ESYT2: variants seen among roughly 807,000 people sequenced by gnomAD.
ESYT2 encodes extended synaptotagmin-2.
In ESYT2, 54 loss-of-function variants were observed where a neutral mutation model predicts 107.2. The observed-to-expected ratio is 0.50, with a 90% CI of 0.40 to 0.63. ESYT2 has a LOEUF of 0.63. Ranked by LOEUF, ESYT2 falls within the 30% of genes least tolerant of loss-of-function variation. ESYT2 has a pLI of 0.00. For synonymous variants in ESYT2, 491 were observed against 434.1 expected (o/e 1.13, Z -1.63); for missense variants, 1,020 against 1,094.5 (o/e 0.93, Z 0.96).
At position 158,829,472 on chromosome 7, in the gene ESYT2, T is replaced by TGATCCCGGGCGGCTCAGCCCCGCGCC. The variant is rs1840568808; in HGVS notation, c.-80_-55dup. 1.7e-6 allele frequency: 2 copies of TGATCCCGGGCGGCTCAGCCCCGCGCC among 1,210,364 alleles called. No individual in the cohort carries two copies. The highest frequency in any genetic ancestry group is 3.2e-5 in the African/African-American group (2 of 63,010). 75.0% of individuals were successfully genotyped at this position (1,210,364 alleles called of 1,614,324 possible). ...GCCGAGGCGGGCTGGGTGCTCGCGC[T>TGATCCCGGGCGGCTCAGCCCCGCGCC]GATCCCGGGCGGCTCAGCCCCGCGC... On this transcript the variant is annotated 5_prime_UTR_variant, in exon 1 of 23. Transcript: ENST00000275418.
chr7:158,758,762 C>A (rs1409565474), intron 13 of ESYT2, among the ~76,000 whole-genome samples: 4 of 152,182 alleles, frequency 2.6e-5, no homozygotes, highest in Non-Finnish European at 4.4e-5. Flanking sequence ...ACACCACTAT[C>A]CTCACTAGCA....
intron 17 of ESYT2, among the ~76,000 whole-genome samples, chr7:158,743,294 G>A (rs111380790): frequency 0.039 from 5,861 of 152,164 alleles, 384 homozygotes; most frequent in African/African-American, 0.13. Context: ...GGGCCTGCTC[G>A]GGCAACCTGG....
intron 3 of ESYT2, among the ~76,000 whole-genome samples, chr7:158,795,591 C>T (rs1839433562): frequency 8.5e-6 from 1 of 117,928 alleles, no homozygotes; most frequent in Admixed American, 7.4e-5. Context: ...CGGCCACGTA[C>T]AGACAGAGCA....
At chr7:158,768,081 C>T (rs1352408422) in intron 7 of ESYT2, among the ~76,000 whole-genome samples, 1 of 152,218 alleles carries the variant, frequency 6.6e-6, no homozygotes, top group Non-Finnish European at 1.5e-5. Context: ...CAACCTAATA[C>T]ACTTCATAAT....
intron 1 of ESYT2, among the ~76,000 whole-genome samples, chr7:158,821,085 C>A (rs1007841515): frequency 2.6e-5 from 4 of 152,098 alleles, no homozygotes; most frequent in African/African-American, 9.7e-5. Flanking sequence ...CTTTAACAAA[C>A]ATTATAGAAC....
In ESYT2 at chr7:158,787,907, T is replaced by C. The variant is rs1056049086; in HGVS notation, c.747+97A>G. On this transcript the variant is annotated intron_variant, in intron 6 of 22. Coordinates refer to ENST00000275418, the MANE Select transcript of ESYT2 (RefSeq NM_001367773.1). ...CACAACAGAAAGGGACAACGGTGAG[T>C]TGATAAAATTTTGTTTCTCCACTTT... 26 of 923,456 alleles carry C rather than the reference T, an allele frequency of 2.8e-5. No individual in the cohort carries two copies. In the African/African-American group the frequency reaches 3.6e-4, roughly 13 times the overall value. The allele number at this position is 923,456 out of a possible 1,614,324, so 57.2% of individuals were successfully genotyped here.
At chr7:158,809,584 G>A (rs1839937972) in intron 1 of ESYT2, among the ~76,000 whole-genome samples, 1 of 151,610 alleles carries the variant, frequency 6.6e-6, no homozygotes, top group Non-Finnish European at 1.5e-5. Context: ...ATGAAAAGAT[G>A]CTCAACATTA....
intron 16 of ESYT2, among the ~76,000 whole-genome samples, chr7:158,747,045 C>CT (rs1837426279): frequency 6.6e-6 from 1 of 151,012 alleles, no homozygotes; most frequent in African/African-American, 2.4e-5. Flanking sequence ...GAGTGAAACT[C>CT]TGTTCTCAAA....
intron 1 of ESYT2, among the ~76,000 whole-genome samples, chr7:158,814,897 T>TA (rs1273683219): frequency 6.6e-6 from 1 of 152,044 alleles, no homozygotes; most frequent in East Asian, 1.9e-4. Flanking sequence ...ATGACTAGAT[T>TA]AGATGGTGCC....
chr7:158,770,834 T>G (rs1838341045), intron 7 of ESYT2, among the ~76,000 whole-genome samples: 1 of 152,050 alleles, frequency 6.6e-6, no homozygotes, highest in Non-Finnish European at 1.5e-5. Context: ...TATTTTTGTA[T>G]TACATATATA....
chr7:158,755,888 C>T (rs543877404), intron 13 of ESYT2, among the ~76,000 whole-genome samples: 1 of 151,920 alleles, frequency 6.6e-6, no homozygotes, highest in Non-Finnish European at 1.5e-5. Context: ...GAGAGGGGAG[C>T]GATAGCATTA....
intron 13 of ESYT2, among the ~76,000 whole-genome samples, chr7:158,756,726 T>C (rs892499641): frequency 2.0e-5 from 3 of 152,086 alleles, no homozygotes; most frequent in African/African-American, 7.2e-5. Context: ...CTGGTCAGCA[T>C]GGTGAAACCC....
intron 13 of ESYT2, among the ~76,000 whole-genome samples, chr7:158,754,149 G>A (rs1199833607): frequency 2.0e-5 from 3 of 152,076 alleles, no homozygotes; most frequent in Admixed American, 6.5e-5. Flanking sequence ...GCAGCCTCGG[G>A]CTACTCACCA....
chr7:158,782,005 G>A (rs1838856150), intron 6 of ESYT2, among the ~76,000 whole-genome samples: 1 of 149,530 alleles, frequency 6.7e-6, no homozygotes, highest in African/African-American at 2.5e-5. Flanking sequence ...ACGAGAACAA[G>A]TGTGTGAACA....
intron 13 of ESYT2, among the ~76,000 whole-genome samples, chr7:158,756,978 CA>C (rs1837780359): frequency 7.6e-6 from 1 of 130,924 alleles, no homozygotes; most frequent in South Asian, 2.5e-4. Context: ...TGAAACTTTA[CA>C]AAAAAATTTA....
At chr7:158,785,485 G>A (rs1839080441) in intron 6 of ESYT2, among the ~76,000 whole-genome samples, 1 of 151,892 alleles carries the variant, frequency 6.6e-6, no homozygotes, top group South Asian at 2.1e-4. Context: ...CACCTCCAGT[G>A]TCAGGACTAA....
chr7:158,800,019 T>A (rs1584866875), intron 1 of ESYT2, among the ~76,000 whole-genome samples: 1 of 151,932 alleles, frequency 6.6e-6, no homozygotes, highest in Admixed American at 6.6e-5. Context: ...CATTTGCATA[T>A]GCGTATGATA....
intron 6 of ESYT2, among the ~76,000 whole-genome samples, chr7:158,783,079 T>TG (rs1210181597): frequency 2.6e-5 from 4 of 152,188 alleles, no homozygotes; most frequent in Non-Finnish European, 5.9e-5. Flanking sequence ...TCTGGAGGAC[T>TG]GAGCTATTTC....
chr7:158,783,975 T>C (rs1279522357), intron 6 of ESYT2, among the ~76,000 whole-genome samples: 1 of 152,094 alleles, frequency 6.6e-6, no homozygotes, highest in African/African-American at 2.4e-5. Context: ...GGTAGGACAA[T>C]GTCCCAGGCT....
Sources: gnomAD v4.1 joint callset for allele counts (sites outside exome capture counted in the v4.1 genomes callset) on GRCh38, gnomAD v4.1.1 for gene constraint, MANE v1.5 for transcripts, NCBI Gene and HGNC (gene_info 2026-07-23, HGNC 2026-07-21) for gene names.